Variants in CPNE9 observed in about 807,000 individuals in gnomAD.
CPNE9 encodes the protein copine-9.
In CPNE9, 59 loss-of-function variants were observed where a neutral mutation model predicts 83.0. That is an observed-to-expected ratio of 0.71 (90% CI 0.58 to 0.88). The LOEUF (loss-of-function observed/expected upper bound fraction) is 0.88. Ranked by LOEUF, CPNE9 falls within the 40% of genes least tolerant of loss-of-function variation. The pLI is 0.00. For missense variants in CPNE9, 619 were observed against 720.8 expected, an observed-to-expected ratio of 0.86 and a Z score of 1.62; for synonymous variants, 256 against 273.4, an observed-to-expected ratio of 0.94 and a Z score of 0.63.
chr3:9,711,753 C>T (rs1184171259), intron 7 of CPNE9, among the ~76,000 whole-genome samples: 1 of 152,152 alleles, frequency 6.6e-6, no homozygotes, highest in African/African-American at 2.4e-5. Flanking sequence ...TCTCTTACTG[C>T]TGGGGATGGG....
chr3:9,729,885 A>G lies in CPNE9; in HGVS notation c.*193A>G, dbSNP rs1559648636. On this transcript the variant is annotated 3_prime_UTR_variant, in exon 21 of 21. Coordinates refer to ENST00000383832, the MANE Select transcript of CPNE9 (RefSeq NM_153635.3). ...TCACCACCTCTCTGCCTTCATGCCAATAATAAAGCTGATCTTTATTCCACC... is the reference window on the plus strand; with the variant it reads ...TCACCACCTCTCTGCCTTCATGCCAGTAATAAAGCTGATCTTTATTCCACC... 2 of 691,468 alleles carry G rather than the reference A, an allele frequency of 2.9e-6. No homozygotes were observed. Among genetic ancestry groups the G allele is most frequent in the African/African-American group, 1.8e-5 (1 of 56,116 alleles). The allele number at this position is 691,468 out of a possible 1,614,324, so 42.8% of individuals were successfully genotyped here.
intron 17 of CPNE9, among the ~76,000 whole-genome samples, chr3:9,722,162 C>T (rs887929036): frequency 6.0e-5 from 9 of 151,112 alleles, no homozygotes; most frequent in Admixed American, 1.3e-4. Flanking sequence ...GGTGATCCAC[C>T]CCCCCCCGCC....
Position 9,704,008 on chromosome 3 carries a change from C to G in CPNE9, c.12C>G (p.Gly4=). 6.2e-7 allele frequency: 1 copy of G among 1,606,434 alleles called. No individual in the cohort carries two copies. The highest frequency in any genetic ancestry group is 8.5e-7 in the Non-Finnish European group (1 of 1,178,190). The part of the protein sequence containing the change: MSL[G]GASERSVPAT... ...TCGCCCGACCAGCCATGTCTCTCGG[C>G]GGAGCCTCCGAGCGCAGCGTCCCGG... is the stretch of plus-strand genomic sequence containing the variant. Residue 4 remains glycine (G), a synonymous_variant, in exon 1 of 21, where the codon GGC becomes GGG. Coordinates refer to ENST00000383832, the MANE Select transcript of CPNE9 (RefSeq NM_153635.3). This position sits in a 1 kb window ranked among gnomAD's most constrained non-coding sequence, Gnocchi z 7.1.
At chr3:9,717,491 G>A (rs2076694410) in intron 15 of CPNE9, among the ~76,000 whole-genome samples, 1 of 152,168 alleles carries the variant, frequency 6.6e-6, no homozygotes, top group African/African-American at 2.4e-5. Context: ...TGGACAAATG[G>A]ACTAAAGTTT....
chr3:9,704,457 C>T lies in CPNE9; in HGVS notation c.69-130C>T. The T allele has an allele frequency of 1.2e-6, 1 of 828,968 alleles. No homozygotes were observed. The highest frequency in any genetic ancestry group is 2.1e-6 in the Non-Finnish European group (1 of 470,326). 51.4% of individuals were successfully genotyped at this position (828,968 alleles called of 1,614,324 possible). ...AGAGTGCTGACAGAGCGGACCCCGG[C>T]TGGGGGTAGCCATGGGGGACAGAGG... On this transcript the variant is annotated intron_variant, in intron 1 of 20. Coordinates refer to ENST00000383832, the MANE Select transcript of CPNE9 (RefSeq NM_153635.3). The surrounding 1 kb of genome is among the most constrained non-coding windows in gnomAD (Gnocchi z 7.1).
intron 20 of CPNE9, among the ~76,000 whole-genome samples, chr3:9,728,322 T>A (rs1012629108): frequency 5.9e-5 from 9 of 152,140 alleles, no homozygotes; most frequent in Non-Finnish European, 1.2e-4. Context: ...ACCTGATCTC[T>A]GCTACATTAA....
chr3:9,720,118 G>GA (rs1474117980), intron 17 of CPNE9, among the ~76,000 whole-genome samples: 1 of 151,610 alleles, frequency 6.6e-6, no homozygotes. Flanking sequence ...ACGAATTTAT[G>GA]AAATGACAGA....
chr3:9,705,441 C>A, intron 4 of CPNE9, 23 bp from the exon 5 acceptor site: 4 of 1,516,314 alleles, frequency 2.6e-6, no homozygotes, highest in Non-Finnish European at 1.8e-6. Context: ...CCCCACCCCA[C>A]ACCGGTTCCA....
intron 7 of CPNE9, among the ~76,000 whole-genome samples, chr3:9,711,019 C>T (rs1032785200): frequency 1.3e-5 from 2 of 151,428 alleles, no homozygotes; most frequent in African/African-American, 4.9e-5. Flanking sequence ...ATAGTGAGAC[C>T]CCAACTCTTA....
chr3:9,709,692 G>C (rs1157131292), intron 7 of CPNE9, among the ~76,000 whole-genome samples: 2 of 151,906 alleles, frequency 1.3e-5, no homozygotes, highest in Middle Eastern at 3.2e-3. Context: ...TTAACATAAG[G>C]CTGGGTGAGG....
chr3:9,705,853 C>T (rs1251860457), intron 6 of CPNE9, 133 bp downstream of exon 6: 4 of 1,333,580 alleles, frequency 3.0e-6, no homozygotes, highest in African/African-American at 1.4e-5. Context: ...CATTAAAGCC[C>T]ATGTAGGGCC....
chr3:9,727,525 CAT>C, intron 20 of CPNE9: 1 of 665,552 alleles, frequency 1.5e-6, no homozygotes, highest in Admixed American at 2.2e-5. Flanking sequence ...AGGGACCTAA[CAT>C]AGGTACAGTA....
chr3:9,705,503 G>A lies in CPNE9; in HGVS notation c.297+3G>A, dbSNP rs372633475. The A allele has an allele frequency of 1.1e-5, 17 of 1,598,992 alleles. No homozygotes were observed. The highest frequency in any genetic ancestry group is 1.4e-5 in the Non-Finnish European group (16 of 1,172,438). On this transcript the variant is annotated splice_donor_region_variant and intron_variant, in intron 5 of 20. Coordinates refer to ENST00000383832, the MANE Select transcript of CPNE9 (RefSeq NM_153635.3). The stretch of plus-strand genomic sequence containing the variant: ...CCAAAACCAACATCTCCAAACCGGT[G>A]AGCAAACGTTTCCTCGAGGGTTGGC...
Position 9,704,992 on chromosome 3 carries a change from T to A in CPNE9, c.258T>A (p.Asp86Glu), listed in dbSNP as rs192052366. Residue 86 changes from aspartate (D) to glutamate (E), a missense_variant and splice_region_variant, in exon 4 of 21, where the codon GAT becomes GAA. Asp to Glu is a conservative substitution (Grantham distance 45). Around this residue, in one of 3 missense-constraint regions of CPNE9, gnomAD observed 130 missense variants for 117.5 expected, o/e 1.11. Coordinates refer to ENST00000383832, the MANE Select transcript of CPNE9 (RefSeq NM_153635.3). This position sits in a 1 kb window ranked among gnomAD's most constrained non-coding sequence, Gnocchi z 7.1. ...AGGAAAAGCAAAATCTGCGCTTCGA[T>A]GTGTGAGGCCCCGCCTGGAATTCTG... is the stretch of plus-strand genomic sequence containing the variant. The part of the protein sequence containing the change: ...FFEEKQNLRF[D>E]VYNVDSKTNI... 4,492 of 1,606,464 alleles carry A rather than the reference T, an allele frequency of 2.8e-3. 18 individuals are homozygous for A. Among genetic ancestry groups the A allele is most frequent in the South Asian group, 5.4e-3 (487 of 90,046 alleles).
Position 9,704,507 on chromosome 3 carries a change from C to CT in CPNE9, c.69-79dup. On this transcript the variant is annotated intron_variant, in intron 1 of 20. Coordinates refer to ENST00000383832, the MANE Select transcript of CPNE9 (RefSeq NM_153635.3). This position sits in a 1 kb window ranked among gnomAD's most constrained non-coding sequence, Gnocchi z 7.1. ...GTTCGATGCGGGCCCCATGCCTCTC[C>CT]TCAGTGCCCGGCTCAGAGCCGACTC... The CT allele has an allele frequency of 3.2e-6, 4 of 1,258,338 alleles. No individual in the cohort carries two copies. Among genetic ancestry groups the CT allele is most frequent in the Non-Finnish European group, 4.7e-6 (4 of 855,470 alleles). 77.9% of individuals were successfully genotyped at this position (1,258,338 alleles called of 1,614,324 possible).
chr3:9,727,595 G>C, intron 20 of CPNE9: 1 of 595,770 alleles, frequency 1.7e-6, no homozygotes, highest in South Asian at 2.0e-5. Flanking sequence ...GCATTACAGG[G>C]AGAGGAGCAG....
chr3:9,703,917 C>T lies in CPNE9; in HGVS notation c.-80C>T, dbSNP rs1196455123. 6 of 1,229,438 alleles carry T rather than the reference C, an allele frequency of 4.9e-6. No homozygotes were observed. Among genetic ancestry groups the T allele is most frequent in the Admixed American group, 2.9e-5 (1 of 34,158 alleles). The allele number at this position is 1,229,438 out of a possible 1,614,324, so 76.2% of individuals were successfully genotyped here. A position where few individuals can be genotyped will look rare whatever the true frequency, so the allele number is the denominator to read the frequency against. On this transcript the variant is annotated 5_prime_UTR_variant, in exon 1 of 21. Coordinates refer to ENST00000383832, the MANE Select transcript of CPNE9 (RefSeq NM_153635.3). The stretch of plus-strand genomic sequence containing the variant: ...GCCGCCGACACCGCGGCACATGGGC[C>T]GGCCCCGCCGCTGCCGTCGCCCCTA...
intron 7 of CPNE9, 149 bp from the exon 8 acceptor site, chr3:9,712,392 G>A: frequency 1.4e-6 from 1 of 691,558 alleles, no homozygotes; most frequent in South Asian, 1.6e-5. Flanking sequence ...GTCAAAGTGA[G>A]GCCCTTCCTC....
intron 7 of CPNE9, among the ~76,000 whole-genome samples, chr3:9,709,138 T>C (rs1427142613): frequency 2.0e-5 from 3 of 147,126 alleles, no homozygotes; most frequent in Admixed American, 6.7e-5. Flanking sequence ...TAGCTGGGAG[T>C]GGTGGCGCAC....
Sources: gnomAD v4.1 joint callset for allele counts (sites outside exome capture counted in the v4.1 genomes callset) on GRCh38, gnomAD v4.1.1 for gene constraint, gnomAD v4.1.1 regional missense constraint, Gnocchi (gnomAD v3.1) non-coding constraint, MANE v1.5 for transcripts, NCBI Gene and HGNC (gene_info 2026-07-23, HGNC 2026-07-21) for gene names.